Variants in PCDHGA12 observed in about 807,000 individuals in gnomAD.
PCDHGA12 encodes the protein protocadherin gamma-A12.
In PCDHGA12, 43 loss-of-function variants were observed where a neutral mutation model predicts 61.1. The ratio of observed to expected loss-of-function variants is 0.70; its 90% CI spans 0.55 to 0.91. PCDHGA12 has a LOEUF of 0.91. Among genes scored for constraint, PCDHGA12 ranks in the 40% least tolerant of loss-of-function variants. PCDHGA12 has a pLI of 0.00. For synonymous variants in PCDHGA12, 520 were observed against 542.9 expected (o/e 0.96, Z 0.59); for missense variants, 1,236 against 1,227.7 (o/e 1.01, Z -0.10).
rs1046764113 is a variant in PCDHGA12, at chr5:141,495,395, G to A, written c.2483+530G>A. Among the ~76,000 whole-genome samples the A allele has an allele frequency of 4.1e-4, 62 of 152,326 alleles. 1 individual carries two copies. The highest frequency in any genetic ancestry group is 1.4e-3 in the African/African-American group (57 of 41,576). On this transcript the variant is annotated intron_variant, in intron 2 of 3. Transcript: ENST00000252085. Reference sequence around the variant, plus strand: ...GAGGAAGGACTGGGCGGGGCATGGAGCAGGCCCCCTTCTCCGGCCCCTCCT... The same window carrying A: ...GAGGAAGGACTGGGCGGGGCATGGAACAGGCCCCCTTCTCCGGCCCCTCCT...
chr5:141,495,644 A>C (rs767670166), intron 2 of PCDHGA12, among the ~76,000 whole-genome samples: 1 of 151,770 alleles, frequency 6.6e-6, no homozygotes, highest in African/African-American at 2.4e-5. Flanking sequence ...TCATTTGTCT[A>C]CTTGCATTGA....
chr5:141,503,181 A>C (rs532503504), intron 2 of PCDHGA12, among the ~76,000 whole-genome samples: 54 of 152,060 alleles, frequency 3.6e-4, no homozygotes, highest in African/African-American at 1.3e-3. Context: ...TCTATTGTGT[A>C]ATTATTTAAA....
chr5:141,430,886 T>C lies in PCDHGA12; in HGVS notation c.127T>C (p.Ser43Pro). The change falls in exon 1 of 4, where the codon TCT becomes CCT. Residue 43 changes from serine to proline, a missense_variant. Physicochemically the swap from Ser to Pro is moderately conservative, Grantham distance 74. Transcript: ENST00000252085. ...AGTTCCGGAAGAGCTGGAGAAAGGC[T>C]CTAGGGTGGGCGACATCTCCAGGGA... ...YSVPEELEKG[S>P]RVGDISRDLG... The C allele has an allele frequency of 6.2e-7, 1 of 1,605,190 alleles. No homozygotes were observed. Among genetic ancestry groups the C allele is most frequent in the Non-Finnish European group, 8.5e-7 (1 of 1,176,392 alleles).
chr5:141,491,802 G>A lies in PCDHGA12; in HGVS notation c.2425-3005G>A. 6.7e-7 allele frequency: 1 copy of A among 1,497,480 alleles called. No homozygotes were observed. Among genetic ancestry groups the A allele is most frequent in the East Asian group, 2.5e-5 (1 of 40,518 alleles). The allele number at this position is 1,497,480 out of a possible 1,614,324, so 92.8% of individuals were successfully genotyped here. ...ACTTGCATCCACTCCTCTCCGGCCG[G>A]CTTGGTCGCTGGCTGCGCTCCACCC... On this transcript the variant is annotated intron_variant, in intron 1 of 3. Coordinates refer to ENST00000252085, the MANE Select transcript of PCDHGA12 (RefSeq NM_003735.3). The surrounding 1 kb of genome is among the most constrained non-coding windows in gnomAD (Gnocchi z 6.9).
chr5:141,478,668 T>G (rs1411369994), intron 1 of PCDHGA12: 40 of 1,551,660 alleles, frequency 2.6e-5, no homozygotes, highest in Non-Finnish European at 3.4e-5. Flanking sequence ...CATTCACACT[T>G]TCAACTGGCC....
At chr5:141,434,763 C>T (rs2097714876) in intron 1 of PCDHGA12, among the ~76,000 whole-genome samples, 1 of 151,296 alleles carries the variant, frequency 6.6e-6, no homozygotes, top group South Asian at 2.1e-4. Flanking sequence ...TTCCCCACTT[C>T]ACACTTCTAA....
At chr5:141,439,571 G>T (rs1010967112) in intron 1 of PCDHGA12, among the ~76,000 whole-genome samples, 4 of 152,154 alleles carry the variant, frequency 2.6e-5, no homozygotes, top group Non-Finnish European at 4.4e-5. Flanking sequence ...CTAGAGTAGG[G>T]ACTCAGAGTG....
chr5:141,487,530 T>C lies in PCDHGA12; in HGVS notation c.2425-7277T>C. The stretch of plus-strand genomic sequence containing the variant: ...GCACCCACTCGGAGTGATAGCTTCA[T>C]GATGGTGAAGTCACCCAGTGCACCT... On this transcript the variant is annotated intron_variant, in intron 1 of 3. Coordinates refer to ENST00000252085, the MANE Select transcript of PCDHGA12 (RefSeq NM_003735.3). This position sits in a 1 kb window ranked among gnomAD's most constrained non-coding sequence, Gnocchi z 5.0. The C allele has an allele frequency of 6.2e-7, 1 of 1,614,218 alleles. No individual in the cohort carries two copies. The highest frequency in any genetic ancestry group is 8.5e-7 in the Non-Finnish European group (1 of 1,180,040).
chr5:141,430,781 C>T lies in PCDHGA12; in HGVS notation c.22C>T (p.Arg8Trp), dbSNP rs559701152. Reference sequence around the variant, plus strand: ...AAGAATGATTCCTGCGCGACTGCACCGGGACTACAAAGGGCTTGTCCTGCT... The same window carrying T: ...AAGAATGATTCCTGCGCGACTGCACTGGGACTACAAAGGGCTTGTCCTGCT... MIPARLH[R>W]DYKGLVLLGI... is the part of the protein sequence containing the mutation. Residue 8 changes from arginine (R) to tryptophan (W), a missense_variant, in exon 1 of 4, where the codon CGG (arginine) becomes TGG (tryptophan). Physicochemically the swap from Arg to Trp is moderately radical, Grantham distance 101. Transcript: ENST00000252085. The T allele has an allele frequency of 4.0e-6, 6 of 1,510,922 alleles. No homozygotes were observed. The highest frequency in any genetic ancestry group is 2.7e-5 in the South Asian group (2 of 73,564). 93.6% of individuals were successfully genotyped at this position (1,510,922 alleles called of 1,614,324 possible).
Position 141,485,291 on chromosome 5 carries a change from CAGGA to C in PCDHGA12, c.2425-9512_2425-9509del. ...CCGCTACCCGGTCCCAGAGGAGTCA[CAGGA>C]AGGGACTTTTGTAGGGAATGTCGCT... On this transcript the variant is annotated intron_variant, in intron 1 of 3. Transcript: ENST00000252085. The surrounding 1 kb of genome is among the most constrained non-coding windows in gnomAD (Gnocchi z 5.7). 1 of 1,614,152 alleles carries C rather than the reference CAGGA, an allele frequency of 6.2e-7. No individual in the cohort carries two copies. Among genetic ancestry groups the C allele is most frequent in the Non-Finnish European group, 8.5e-7 (1 of 1,179,992 alleles).
chr5:141,472,159 A>G (rs1020175900), intron 1 of PCDHGA12, among the ~76,000 whole-genome samples: 1 of 152,246 alleles, frequency 6.6e-6, no homozygotes, highest in Non-Finnish European at 1.5e-5. Context: ...TTACATAGCT[A>G]CTAGGTGTAA....
At chr5:141,470,201 G>C (rs2154570565) in intron 1 of PCDHGA12, among the ~76,000 whole-genome samples, 1 of 152,274 alleles carries the variant, frequency 6.6e-6, no homozygotes, top group Non-Finnish European at 1.5e-5. Flanking sequence ...AGATAAATAT[G>C]AAGGCTAAAC....
rs756549446 is a variant in PCDHGA12 at position 141,477,301 on chromosome 5, C to G, written c.2425-17506C>G. 32 of 1,614,042 alleles carry G rather than the reference C, an allele frequency of 2.0e-5. 2 individuals carry two copies. In the South Asian group the frequency reaches 3.4e-4, roughly 17 times the overall value. On this transcript the variant is annotated intron_variant, in intron 1 of 3. Coordinates refer to ENST00000252085, the MANE Select transcript of PCDHGA12 (RefSeq NM_003735.3). The surrounding 1 kb of genome is among the most constrained non-coding windows in gnomAD (Gnocchi z 4.9). The stretch of plus-strand genomic sequence containing the variant: ...TGACCTGCGAAGTTCCACCGGGTCT[C>G]CCTTTCAGCCTTACTTCTTCCCTCA...
At position 141,431,968 on chromosome 5, in the gene PCDHGA12, T is replaced by A. The variant is rs571981127; in HGVS notation, c.1209T>A (p.Ser403Arg). The change falls in exon 1 of 4, where the codon AGT becomes AGA. Residue 403 changes from serine (S) to arginine (R), a missense_variant. Coordinates refer to ENST00000252085, the MANE Select transcript of PCDHGA12 (RefSeq NM_003735.3). The surrounding 1 kb of genome is among the most constrained non-coding windows in gnomAD (Gnocchi z 4.8). ...KLEKSYGNYY[S>R]LVTDIVLDRE... Reference sequence around the variant, plus strand: ...AAAAATCTTACGGAAATTACTATAGTTTAGTCACAGACATAGTCTTGGATA... The same window carrying A: ...AAAAATCTTACGGAAATTACTATAGATTAGTCACAGACATAGTCTTGGATA... 1.9e-6 allele frequency: 3 copies of A among 1,614,072 alleles called. No individual in the cohort carries two copies. Among genetic ancestry groups the A allele is most frequent in the Non-Finnish European group, 2.5e-6 (3 of 1,180,014 alleles).
At position 141,490,289 on chromosome 5, in the gene PCDHGA12, T is replaced by C; in HGVS notation, c.2425-4518T>C. ...GATGTCAATGACAATGCCCCAGAGG[T>C]GCTATTGGCCTCTTTGGCCAACCCT... On this transcript the variant is annotated intron_variant, in intron 1 of 3. Transcript: ENST00000252085. This position sits in a 1 kb window ranked among gnomAD's most constrained non-coding sequence, Gnocchi z 5.4. The C allele has an allele frequency of 1.2e-6, 2 of 1,614,096 alleles. No homozygotes were observed. The highest frequency in any genetic ancestry group is 1.7e-6 in the Non-Finnish European group (2 of 1,180,016).
Position 141,432,484 on chromosome 5 carries a change from G to A in PCDHGA12, c.1725G>A (p.Val575=), listed in dbSNP as rs1164877592. The change falls in exon 1 of 4, where the codon GTG becomes GTA. Residue 575 remains valine, a synonymous_variant. Transcript: ENST00000252085. The surrounding 1 kb of genome is among the most constrained non-coding windows in gnomAD (Gnocchi z 6.0). ...PALPTDGSTG[V]ELAPRSAEPG... ...TCCCCACGGACGGTTCCACTGGCGTGGAGCTGGCTCCCCGCTCCGCAGAGC... is the reference window on the plus strand; with the variant it reads ...TCCCCACGGACGGTTCCACTGGCGTAGAGCTGGCTCCCCGCTCCGCAGAGC... 8.7e-6 allele frequency: 14 copies of A among 1,614,196 alleles called. No individual in the cohort carries two copies. Among genetic ancestry groups the A allele is most frequent in the Non-Finnish European group, 1.2e-5 (14 of 1,180,046 alleles).
At chr5:141,509,573 C>G (rs372901649) in intron 3 of PCDHGA12, among the ~76,000 whole-genome samples, 4 of 152,164 alleles carry the variant, frequency 2.6e-5, no homozygotes, top group Admixed American at 2.6e-4. Context: ...CTTCACAGTG[C>G]GTACAAATCA....
At position 141,430,974 on chromosome 5, in the gene PCDHGA12, C is replaced by T. The variant is rs141488923; in HGVS notation, c.215C>T (p.Thr72Met). The T allele has an allele frequency of 7.0e-4, 1,130 of 1,613,070 alleles. 8 individuals carry two copies. In the African/African-American group the frequency reaches 0.014, roughly 19 times the overall value. Residue 72 changes from threonine (T) to methionine (M), a missense_variant, in exon 1 of 4, where the codon ACG (threonine) becomes ATG (methionine). Thr to Met is a moderately conservative substitution (Grantham distance 81). Transcript: ENST00000252085. ...GTCCGCATCATCCCCAGAGGTAGGA[C>T]GCAGCTTTTCGCCCTGAATCCGCGC... ...RGVRIIPRGR[T>M]QLFALNPRSG...
intron 1 of PCDHGA12, among the ~76,000 whole-genome samples, chr5:141,453,692 C>G (rs1182118927): frequency 6.6e-6 from 1 of 152,146 alleles, no homozygotes; most frequent in African/African-American, 2.4e-5. Flanking sequence ...GTAGGTAGTC[C>G]TGGCTTTGAA....
Sources: allele counts gnomAD v4.1 joint callset (sites outside exome capture counted in the v4.1 genomes callset), GRCh38; gene constraint gnomAD v4.1.1; non-coding constraint Gnocchi (gnomAD v3.1); transcripts MANE v1.5; gene names NCBI Gene and HGNC (gene_info 2026-07-23, HGNC 2026-07-21).